Variants in CAMTA1 observed in about 807,000 individuals in gnomAD.
The protein encoded by CAMTA1 is calmodulin-binding transcription activator 1.
A neutral mutation model predicts 170.9 loss-of-function variants in CAMTA1; 27 were observed. The ratio of observed to expected loss-of-function variants is 0.16; its 90% CI spans 0.12 to 0.22. The LOEUF (loss-of-function observed/expected upper bound fraction) is 0.22. CAMTA1 is among the 10% of genes least tolerant of loss of function. The pLI is 1.00. For missense variants in CAMTA1, 1,619 were observed against 2,217.2 expected, an observed-to-expected ratio of 0.73 and a Z score of 5.42; for synonymous variants, 833 against 891.5, an observed-to-expected ratio of 0.93 and a Z score of 1.17.
At chr1:7,053,358 C>T (rs769247091) in intron 3 of CAMTA1, among the ~76,000 whole-genome samples, 20 of 152,216 alleles carry the variant, frequency 1.3e-4, no homozygotes, top group Admixed American at 5.2e-4. Context: ...TCATTAGTTC[C>T]GCTGTCTTCT....
At chr1:7,161,868 G>A (rs1398387655) in intron 4 of CAMTA1, among the ~76,000 whole-genome samples, 2 of 152,202 alleles carry the variant, frequency 1.3e-5, no homozygotes, top group Non-Finnish European at 2.9e-5. Context: ...TAAGGGGCAA[G>A]CAATGAATCT....
At chr1:7,116,190 C>T (rs570130443) in intron 4 of CAMTA1, among the ~76,000 whole-genome samples, 11 of 152,262 alleles carry the variant, frequency 7.2e-5, no homozygotes, top group South Asian at 4.1e-4. Context: ...CATCTCTTGA[C>T]GGGTAACCTC....
At chr1:7,764,942 A>G (rs1485808727) in intron 22 of CAMTA1, among the ~76,000 whole-genome samples, 1 of 152,028 alleles carries the variant, frequency 6.6e-6, no homozygotes, top group Non-Finnish European at 1.5e-5. Flanking sequence ...CCTGGGCAAC[A>G]GAGTTAGACT....
chr1:7,664,446 C>A lies in CAMTA1; in HGVS notation c.1899C>A (p.Ser633Arg), dbSNP rs2095985256. 1 of 1,613,496 alleles carries A rather than the reference C, an allele frequency of 6.2e-7. No homozygotes were observed. Among genetic ancestry groups the A allele is most frequent in the Non-Finnish European group, 8.5e-7 (1 of 1,180,022 alleles). ...TCCCCGTCGAGCAGAACACCCACAG[C>A]AGCCTGAGTGACTCTGGGGGCACCT... Reference protein sequence around the residue: ...KPLPVEQNTHSSLSDSGGTFV... With the variant: ...KPLPVEQNTHRSLSDSGGTFV... The change falls in exon 9 of 23, where the codon AGC (serine) becomes AGA (arginine). Residue 633 changes from serine (S) to arginine (R), a missense_variant. Physicochemically the swap from Ser to Arg is moderately radical, Grantham distance 110. This residue lies in a region of CAMTA1 where 731 missense variants were observed against 907.6 expected (regional missense o/e 0.81). Coordinates refer to ENST00000303635, the MANE Select transcript of CAMTA1 (RefSeq NM_015215.4).
chr1:7,134,236 T>C (rs1645421692), intron 4 of CAMTA1, among the ~76,000 whole-genome samples: 1 of 152,230 alleles, frequency 6.6e-6, no homozygotes, highest in Non-Finnish European at 1.5e-5. Context: ...GATTTCATTC[T>C]ATTTTATGGC....
intron 3 of CAMTA1, among the ~76,000 whole-genome samples, chr1:6,974,309 CT>C (rs1404879312): frequency 6.6e-6 from 1 of 152,196 alleles, no homozygotes; most frequent in East Asian, 1.9e-4. Context: ...CCTTCAGTTT[CT>C]TGGGGTCTAG....
chr1:7,149,349 C>G (rs373854125), intron 4 of CAMTA1, among the ~76,000 whole-genome samples: 14 of 152,296 alleles, frequency 9.2e-5, no homozygotes, highest in Non-Finnish European at 1.0e-4. Flanking sequence ...TCTGACCCTG[C>G]AGGTGGGCTT....
intron 5 of CAMTA1, among the ~76,000 whole-genome samples, chr1:7,252,620 G>A (rs1014236657): frequency 1.3e-5 from 2 of 152,160 alleles, no homozygotes; most frequent in Admixed American, 6.5e-5. Context: ...CTCTGCGTCC[G>A]TCTTTGGTGG....
chr1:7,105,033 T>A (rs1047413624), intron 4 of CAMTA1, among the ~76,000 whole-genome samples: 1 of 152,198 alleles, frequency 6.6e-6, no homozygotes, highest in African/African-American at 2.4e-5. Flanking sequence ...TCTGGGAATA[T>A]CTCTAGTTAC....
At chr1:7,276,880 CA>C (rs1166739780) in intron 5 of CAMTA1, among the ~76,000 whole-genome samples, 1 of 152,112 alleles carries the variant, frequency 6.6e-6, no homozygotes, top group African/African-American at 2.4e-5. Flanking sequence ...GCCAAAGGAA[CA>C]AGGCCAATAT....
intron 6 of CAMTA1, among the ~76,000 whole-genome samples, chr1:7,527,557 C>G (rs1342929877): frequency 1.3e-5 from 2 of 152,184 alleles, no homozygotes; most frequent in African/African-American, 4.8e-5. Flanking sequence ...GGTCCTGGCC[C>G]TGCAGAGGGG....
At chr1:7,314,697 T>C (rs1170243105) in intron 5 of CAMTA1, among the ~76,000 whole-genome samples, 1 of 152,208 alleles carries the variant, frequency 6.6e-6, no homozygotes, top group Non-Finnish European at 1.5e-5. Context: ...GACTTAGGTT[T>C]CACAATTGAG....
intron 5 of CAMTA1, among the ~76,000 whole-genome samples, chr1:7,258,388 T>C (rs10864289): frequency 0.79 from 120,755 of 152,186 alleles, 48,284 homozygotes; most frequent in African/African-American, 0.9. Flanking sequence ...ATTATCATAA[T>C]AGTCCCTCAA....
chr1:7,284,168 C>A (rs548723582), intron 5 of CAMTA1, among the ~76,000 whole-genome samples: 56 of 117,022 alleles, frequency 4.8e-4, no homozygotes, highest in Non-Finnish European at 6.2e-4. Flanking sequence ...TCTTCTTCTT[C>A]TTCTTCTTCT....
chr1:7,254,104 G>C (rs1667013797), intron 5 of CAMTA1, among the ~76,000 whole-genome samples: 1 of 152,028 alleles, frequency 6.6e-6, no homozygotes, highest in African/African-American at 2.4e-5. Flanking sequence ...GGTGCGGTGG[G>C]AGCGGGTCAA....
At chr1:7,199,054 T>TC (rs1002975534) in intron 4 of CAMTA1, among the ~76,000 whole-genome samples, 12 of 152,062 alleles carry the variant, frequency 7.9e-5, no homozygotes, top group African/African-American at 1.2e-4. Context: ...GTTTGTCTTT[T>TC]CCCCCCCACT....
At chr1:7,526,067 C>T (rs1470139581) in intron 6 of CAMTA1, among the ~76,000 whole-genome samples, 2 of 151,948 alleles carry the variant, frequency 1.3e-5, no homozygotes, top group Non-Finnish European at 2.9e-5. Context: ...AAGATTAATG[C>T]AAAAAATCCA....
intron 3 of CAMTA1, among the ~76,000 whole-genome samples, chr1:6,986,344 G>A (rs997199636): frequency 1.3e-5 from 2 of 152,188 alleles, no homozygotes; most frequent in Non-Finnish European, 2.9e-5. Context: ...TCTGTCCCCT[G>A]CGAGGCAGGG....
At chr1:7,327,138 CG>C (rs1336369755) in intron 5 of CAMTA1, among the ~76,000 whole-genome samples, 1 of 151,718 alleles carries the variant, frequency 6.6e-6, no homozygotes, top group Non-Finnish European at 1.5e-5. Context: ...AGGAGGAGGC[CG>C]GGCGCAGTGG....
Sources: gnomAD v4.1 joint callset for allele counts (sites outside exome capture counted in the v4.1 genomes callset) on GRCh38, gnomAD v4.1.1 for gene constraint, gnomAD v4.1.1 regional missense constraint, MANE v1.5 for transcripts, NCBI Gene and HGNC (gene_info 2026-07-23, HGNC 2026-07-21) for gene names.